BACE2: variants seen among roughly 807,000 people sequenced by gnomAD.
BACE2 encodes beta-secretase 2.
In BACE2, 17 loss-of-function variants were observed where a neutral mutation model predicts 46.2. The observed-to-expected ratio is 0.37, with a 90% CI of 0.25 to 0.55. BACE2 has a LOEUF of 0.55. BACE2 is among the 20% of genes least tolerant of loss of function. The pLI, the probability that BACE2 is intolerant of heterozygous loss-of-function variation, is 0.82. For missense variants in BACE2, 595 were observed against 698.1 expected (o/e 0.85, Z 1.66); for synonymous variants, 277 against 295.9 (o/e 0.94, Z 0.66).
At chr21:41,248,475 G>C (rs1171038104) in intron 6 of BACE2, among the ~76,000 whole-genome samples, 1 of 152,126 alleles carries the variant, frequency 6.6e-6, no homozygotes, top group African/African-American at 2.4e-5. Context: ...CCCGTGTCCC[G>C]CTGCAGACCT....
intron 2 of BACE2, among the ~76,000 whole-genome samples, chr21:41,229,337 G>C (rs1354767761): frequency 6.6e-6 from 1 of 152,154 alleles, no homozygotes; most frequent in Admixed American, 6.5e-5. Context: ...ATCATCTGTA[G>C]ATGCAAGATA....
intron 1 of BACE2, among the ~76,000 whole-genome samples, chr21:41,225,017 G>A (rs369239561): frequency 4.6e-5 from 7 of 152,240 alleles, no homozygotes; most frequent in Non-Finnish European, 7.4e-5. Flanking sequence ...GGCAGATCAC[G>A]ACTTCAGGAG....
At position 41,241,798 on chromosome 21, in the gene BACE2, C is replaced by T. The variant is rs1987298829; in HGVS notation, c.619-21C>T. On this transcript the variant is annotated intron_variant, in intron 3 of 8. Coordinates refer to ENST00000330333, the MANE Select transcript of BACE2 (RefSeq NM_012105.5). ...CACTGTGAGTCCTAAGCGGGTGCCC[C>T]TCTCTGTCGCCCTCCCGCAGCCATC... 3 of 1,613,780 alleles carry T rather than the reference C, an allele frequency of 1.9e-6. No individual in the cohort carries two copies. In the African/African-American group the frequency reaches 4.0e-5, roughly 22 times the overall value.
At chr21:41,246,169 T>C in intron 6 of BACE2, 106 bp downstream of exon 6, 1 of 670,900 alleles carries the variant, frequency 1.5e-6, no homozygotes. Context: ...GCGCCATGTA[T>C]TTCCAATTTT....
At position 41,277,522 on chromosome 21, in the gene BACE2, G is replaced by A. The variant is rs978438190; in HGVS notation, c.*1898G>A. ...AATTCTCATCCCATTGGCTTTTTCC[G>A]TGGTTGCTGTTTTGTGGGCCGCTTT... On this transcript the variant is annotated 3_prime_UTR_variant, in exon 9 of 9. Coordinates refer to ENST00000330333, the MANE Select transcript of BACE2 (RefSeq NM_012105.5). 2 of 152,220 alleles carry A rather than the reference G, an allele frequency of 1.3e-5. No individual in the cohort carries two copies. Among genetic ancestry groups the A allele is most frequent in the African/African-American group, 4.8e-5 (2 of 41,454 alleles). 9.4% of individuals were successfully genotyped at this position (152,220 alleles called of 1,614,324 possible).
Position 41,211,926 on chromosome 21 carries a change from C to T in BACE2, c.313-14340C>T, listed in dbSNP as rs188097605. On this transcript the variant is annotated intron_variant, in intron 1 of 8. Coordinates refer to ENST00000330333, the MANE Select transcript of BACE2 (RefSeq NM_012105.5). ...GAGATTAAGAAGGGACAGTGGGAGA[C>T]GTCCACAGTCTGTTTAGGTTTCATC... 1.4e-3 allele frequency among the ~76,000 whole-genome samples: 218 copies of T among 152,350 alleles called. 1 individual carries two copies. Among genetic ancestry groups the T allele is most frequent in the Non-Finnish European group, 2.5e-3 (169 of 68,038 alleles).
At chr21:41,233,104 A>G (rs972702836) in intron 2 of BACE2, among the ~76,000 whole-genome samples, 1 of 152,088 alleles carries the variant, frequency 6.6e-6, no homozygotes, top group African/African-American at 2.4e-5. Flanking sequence ...TCCTGACCTC[A>G]TGATCCACCT....
chr21:41,216,075 C>T (rs1277161744), intron 1 of BACE2, among the ~76,000 whole-genome samples: 3 of 151,942 alleles, frequency 2.0e-5, no homozygotes, highest in South Asian at 2.1e-4. Flanking sequence ...TGTTTGAGAG[C>T]GCGTCGTGTG....
chr21:41,248,749 C>T (rs780352089), intron 6 of BACE2, among the ~76,000 whole-genome samples: 8 of 152,216 alleles, frequency 5.3e-5, no homozygotes, highest in Non-Finnish European at 8.8e-5. Flanking sequence ...CTGCAGTGCG[C>T]GTGGTTACGT....
chr21:41,190,668 T>G (rs1475827348), intron 1 of BACE2, among the ~76,000 whole-genome samples: 1 of 152,140 alleles, frequency 6.6e-6, no homozygotes, highest in Non-Finnish European at 1.5e-5. Flanking sequence ...TCCTGAAGGG[T>G]CTGGGCCATT....
intron 1 of BACE2, among the ~76,000 whole-genome samples, chr21:41,201,771 A>G (rs1985974995): frequency 2.0e-5 from 3 of 152,256 alleles, no homozygotes; most frequent in Non-Finnish European, 4.4e-5. Flanking sequence ...CAAAGTTTGC[A>G]CTTAGGCCCT....
chr21:41,245,388 C>T (rs1364359585), intron 5 of BACE2, among the ~76,000 whole-genome samples: 1 of 152,212 alleles, frequency 6.6e-6, no homozygotes, highest in African/African-American at 2.4e-5. Context: ...TGTCCATTCT[C>T]CTCCCTCTGC....
rs1167792869 is a variant in BACE2 at position 41,174,138 on chromosome 21, CCTTT to C, written c.312+5564_312+5567del. On this transcript the variant is annotated intron_variant, in intron 1 of 8. Transcript: ENST00000330333. ...TAAGGATAGCTGTTGTGATCAGTGG[CCTTT>C]TTTTTTTTTTTTTTTTTTTTTTAAA... 6.9e-4 allele frequency among the ~76,000 whole-genome samples: 49 copies of C among 70,646 alleles called. 2 individuals carry two copies. The highest frequency in any genetic ancestry group is 2.8e-3 in the African/African-American group (30 of 10,562). The allele number at this position is 70,646 out of a possible 152,430, so 46.3% of individuals were successfully genotyped here. A position where few individuals can be genotyped will look rare whatever the true frequency, so the allele number is the denominator to read the frequency against.
Position 41,241,837 on chromosome 21 carries a change from A to G in BACE2, c.637A>G (p.Thr213Ala). The change falls in exon 4 of 9, where the codon ACC (threonine) becomes GCC (alanine). Residue 213 changes from threonine to alanine, a missense_variant. Physicochemically the swap from Thr to Ala is moderately conservative, Grantham distance 58. This residue lies in a region of BACE2 where 343 missense variants were observed against 419.4 expected (regional missense o/e 0.82). Coordinates refer to ENST00000330333, the MANE Select transcript of BACE2 (RefSeq NM_012105.5). ...CCCGCAGCCATCAAGTTCTCTGGAG[A>G]CCTTCTTCGACTCCCTGGTGACACA... is the stretch of plus-strand genomic sequence containing the variant. ...TLAKPSSSLE[T>A]FFDSLVTQAN... The G allele has an allele frequency of 6.2e-7, 1 of 1,614,068 alleles. No individual in the cohort carries two copies. The highest frequency in any genetic ancestry group is 8.5e-7 in the Non-Finnish European group (1 of 1,179,996).
intron 2 of BACE2, among the ~76,000 whole-genome samples, chr21:41,227,773 C>A (rs1355288830): frequency 1.3e-5 from 2 of 152,218 alleles, no homozygotes; most frequent in African/African-American, 2.4e-5. Context: ...ATGTGCCCAG[C>A]TGTTGCTATA....
Position 41,250,841 on chromosome 21 carries a change from C to G in BACE2, c.1074C>G (p.Ile358Met). 4 of 1,614,190 alleles carry G rather than the reference C, an allele frequency of 2.5e-6. No individual in the cohort carries two copies. Among genetic ancestry groups the G allele is most frequent in the Non-Finnish European group, 3.4e-6 (4 of 1,179,986 alleles). ...SETPWSYFPK[I>M]SIYLRDENSS... ...CACCTTGGTCTTACTTCCCTAAAAT[C>G]TCCATCTACCTGAGAGACGAGAACT... The change falls in exon 7 of 9, where the codon ATC (isoleucine) becomes ATG (methionine). Residue 358 changes from isoleucine (I) to methionine (M), a missense_variant. Physicochemically the swap from Ile to Met is conservative, Grantham distance 10 (BLOSUM62 1). This residue lies in a region of BACE2 where 343 missense variants were observed against 419.4 expected (regional missense o/e 0.82). Coordinates refer to ENST00000330333, the MANE Select transcript of BACE2 (RefSeq NM_012105.5).
intron 1 of BACE2, chr21:41,184,115 T>C (rs1985263232): frequency 6.0e-6 from 1 of 167,120 alleles, no homozygotes; most frequent in African/African-American, 2.4e-5. Context: ...GTCCCATTGC[T>C]GCTTTTTGTA....
intron 1 of BACE2, among the ~76,000 whole-genome samples, chr21:41,196,768 C>T (rs1985748249): frequency 6.6e-6 from 1 of 152,142 alleles, no homozygotes; most frequent in Non-Finnish European, 1.5e-5. Flanking sequence ...CAGGTAACCT[C>T]GTTTGGTTCA....
At chr21:41,196,839 A>T (rs1219198171) in intron 1 of BACE2, among the ~76,000 whole-genome samples, 3 of 152,158 alleles carry the variant, frequency 2.0e-5, no homozygotes, top group Non-Finnish European at 4.4e-5. Context: ...GGGTCTAGGG[A>T]TCGCTGATTC....
Sources: allele counts gnomAD v4.1 joint callset (sites outside exome capture counted in the v4.1 genomes callset), GRCh38; gene constraint gnomAD v4.1.1; regional missense constraint gnomAD v4.1.1; transcripts MANE v1.5; gene names NCBI Gene and HGNC (gene_info 2026-07-23, HGNC 2026-07-21).